UPP1: variants seen among roughly 807,000 people sequenced by gnomAD.
The protein encoded by UPP1 is UPase 1.
In UPP1, 25 loss-of-function variants were observed where a neutral mutation model predicts 29.6. The ratio of observed to expected loss-of-function variants is 0.85; its 90% CI spans 0.62 to 1.18. The LOEUF (loss-of-function observed/expected upper bound fraction) is 1.18. UPP1 is among the 50% of genes most tolerant of loss of function. The pLI, the probability that UPP1 is intolerant of heterozygous loss-of-function variation, is 0.00. For missense variants in UPP1, 368 were observed against 410.4 expected, an observed-to-expected ratio of 0.90 and a Z score of 0.89; for synonymous variants, 165 against 159.8, an observed-to-expected ratio of 1.03 and a Z score of -0.25.
At chr7:48,094,157 C>G (rs1247274829) in intron 2 of UPP1, among the ~76,000 whole-genome samples, 4 of 151,946 alleles carry the variant, frequency 2.6e-5, no homozygotes, top group Non-Finnish European at 4.4e-5. Flanking sequence ...GAGACTGTCT[C>G]TATTAAAAAA....
At position 48,101,241 on chromosome 7, in the gene UPP1, A is replaced by T. The variant is rs542014202; in HGVS notation, c.163-583A>T. Among the ~76,000 whole-genome samples the T allele has an allele frequency of 5.7e-3, 859 of 151,914 alleles. 4 individuals are homozygous for T. Among genetic ancestry groups the T allele is most frequent in the Middle Eastern group, 0.037 (11 of 294 alleles). Reference sequence around the variant, plus strand: ...CTTTAAAAACTTACTCACTTAAAAAAATTTTTTTTTTCAAAACCAACATTT... The same window carrying T: ...CTTTAAAAACTTACTCACTTAAAAATATTTTTTTTTTCAAAACCAACATTT... On this transcript the variant is annotated intron_variant, in intron 4 of 8. Transcript: ENST00000395564.
At chr7:48,103,798 TAGG>T in intron 6 of UPP1, 1 of 1,290,794 alleles carries the variant, frequency 7.7e-7, no homozygotes, top group Non-Finnish European at 1.0e-6. Context: ...TGAAGCACCT[TAGG>T]AGAAAAGACA....
At chr7:48,103,046 G>A (rs556003229) in intron 5 of UPP1, among the ~76,000 whole-genome samples, 3 of 152,304 alleles carry the variant, frequency 2.0e-5, no homozygotes, top group African/African-American at 7.2e-5. Flanking sequence ...TCCCTGCTGA[G>A]CCCCTGGGTC....
At chr7:48,092,123 C>A (rs545178756) in intron 2 of UPP1, among the ~76,000 whole-genome samples, 1 of 152,218 alleles carries the variant, frequency 6.6e-6, no homozygotes, top group African/African-American at 2.4e-5. Context: ...GGGGGCTGCT[C>A]CCTCCCATTA....
chr7:48,106,862 T>C lies in UPP1; in HGVS notation c.437-11T>C, dbSNP rs751048091. The C allele has an allele frequency of 6.2e-7, 1 of 1,613,444 alleles. No individual in the cohort carries two copies. The highest frequency in any genetic ancestry group is 8.5e-7 in the Non-Finnish European group (1 of 1,179,784). ...CACCCTGCATATCTTGATGTCTGCTTTTTTCCTCAGGTCTGGAGCCCGGCA... is the reference window on the plus strand; with the variant it reads ...CACCCTGCATATCTTGATGTCTGCTCTTTTCCTCAGGTCTGGAGCCCGGCA... On this transcript the variant is annotated splice_polypyrimidine_tract_variant and intron_variant, in intron 6 of 8. Coordinates refer to ENST00000395564, the MANE Select transcript of UPP1 (RefSeq NM_003364.4).
In UPP1 at chr7:48,090,231, G is replaced by A. The variant is rs753729927; in HGVS notation, c.-155G>A. On this transcript the variant is annotated 5_prime_UTR_variant, in exon 2 of 9. Coordinates refer to ENST00000395564, the MANE Select transcript of UPP1 (RefSeq NM_003364.4). ...ACTCCGCAGCTCGTCGACACGTCTC[G>A]TCTCCTGTCCCAATTCAGGGCTTGG... 5 of 152,230 alleles carry A rather than the reference G, an allele frequency of 3.3e-5. No individual in the cohort carries two copies. Among genetic ancestry groups the A allele is most frequent in the Non-Finnish European group, 5.9e-5 (4 of 68,046 alleles). The allele number at this position is 152,230 out of a possible 1,614,324, so 9.4% of individuals were successfully genotyped here. A position where few individuals can be genotyped will look rare whatever the true frequency, so the allele number is the denominator to read the frequency against.
At position 48,103,648 on chromosome 7, in the gene UPP1, G is replaced by T. The variant is rs1792556220; in HGVS notation, c.436+237G>T. ...GAAGGGCACCACACCATGCATATGG[G>T]GGAAACTCATCCTTTTGGGGTTACA... On this transcript the variant is annotated intron_variant, in intron 6 of 8. Transcript: ENST00000395564. 1.5e-5 allele frequency: 15 copies of T among 978,954 alleles called. No homozygotes were observed. The South Asian group carries it at 2.3e-4, about 15-fold the overall frequency. 60.6% of individuals were successfully genotyped at this position (978,954 alleles called of 1,614,324 possible). A position where few individuals can be genotyped will look rare whatever the true frequency, so the allele number is the denominator to read the frequency against.
chr7:48,107,304 T>A (rs1583884945), intron 7 of UPP1, 57 bp from the exon 8 acceptor site: 1 of 1,566,322 alleles, frequency 6.4e-7, no homozygotes, highest in Non-Finnish European at 8.7e-7. Flanking sequence ...GTGGCGCTGA[T>A]GTGTTGTAGG....
intron 2 of UPP1, among the ~76,000 whole-genome samples, chr7:48,093,193 C>A (rs914016249): frequency 1.3e-5 from 2 of 152,302 alleles, no homozygotes; most frequent in East Asian, 1.9e-4. Context: ...TTGGAGGGAA[C>A]ATTTTTCTCC....
chr7:48,090,949 C>T (rs960655995), intron 2 of UPP1, among the ~76,000 whole-genome samples: 1 of 152,116 alleles, frequency 6.6e-6, no homozygotes. Context: ...ATTAGTGTTT[C>T]TTTACATGGG....
intron 1 of UPP1, among the ~76,000 whole-genome samples, chr7:48,089,920 T>C (rs781548377): frequency 5.9e-5 from 9 of 152,168 alleles, no homozygotes; most frequent in Non-Finnish European, 1.3e-4. Context: ...CGAAGTGATG[T>C]TTTGTCCCCA....
At chr7:48,103,988 G>A (rs1283691681) in intron 6 of UPP1, 1 of 1,049,034 alleles carries the variant, frequency 9.5e-7, no homozygotes, top group Non-Finnish European at 1.2e-6. Flanking sequence ...GGGAGGCCGA[G>A]GCGGGCGGAT....
At position 48,108,380 on chromosome 7, in the gene UPP1, A is replaced by T. The variant is rs1457187442; in HGVS notation, c.*23A>T. On this transcript the variant is annotated 3_prime_UTR_variant, in exon 9 of 9. Transcript: ENST00000395564. ...TGAGCGCTGCCCTGCACCTCCGCAGACCTGCTGTGATGACTTGCCATTAAA... is the reference window on the plus strand; with the variant it reads ...TGAGCGCTGCCCTGCACCTCCGCAGTCCTGCTGTGATGACTTGCCATTAAA... 1.3e-6 allele frequency: 2 copies of T among 1,597,124 alleles called. No individual in the cohort carries two copies. The highest frequency in any genetic ancestry group is 2.2e-5 in the South Asian group (2 of 89,744).
At chr7:48,102,678 A>G (rs1792496732) in intron 5 of UPP1, among the ~76,000 whole-genome samples, 1 of 152,144 alleles carries the variant, frequency 6.6e-6, no homozygotes, top group South Asian at 2.1e-4. Context: ...CCTCCACTGT[A>G]TGGCTCTGCC....
chr7:48,105,915 G>A lies in UPP1; in HGVS notation c.437-958G>A, dbSNP rs186004470. 3.9e-5 allele frequency: 6 copies of A among 152,232 alleles called. No individual in the cohort carries two copies. The East Asian group carries it at 9.7e-4, about 24-fold the overall frequency. The allele number at this position is 152,232 out of a possible 1,614,324, so 9.4% of individuals were successfully genotyped here. On this transcript the variant is annotated intron_variant, in intron 6 of 8. Transcript: ENST00000395564. Reference sequence around the variant, plus strand: ...CATTCAGTCCAGGTCCATAACAATGGTCAAATCCCATCTAAAATTATTATA... The same window carrying A: ...CATTCAGTCCAGGTCCATAACAATGATCAAATCCCATCTAAAATTATTATA...
At chr7:48,104,542 G>A (rs1792620274) in intron 6 of UPP1, 1 of 152,224 alleles carries the variant, frequency 6.6e-6, no homozygotes, top group Non-Finnish European at 1.5e-5. Context: ...CTAGGGCCTG[G>A]ACTATCTAGG....
rs1486683094 is a variant in UPP1 at position 48,108,508 on chromosome 7, G to A, written c.*151G>A. On this transcript the variant is annotated 3_prime_UTR_variant, in exon 9 of 9. Coordinates refer to ENST00000395564, the MANE Select transcript of UPP1 (RefSeq NM_003364.4). ...AGAGACAGAGAATCTTGGATTAACC[G>A]CATGGGAGATGTTCTTCCTTTTGAA... The A allele has an allele frequency of 2.5e-5, 22 of 864,114 alleles. 1 individual carries two copies. The highest frequency in any genetic ancestry group is 5.5e-5 in the South Asian group (2 of 36,578). 53.5% of individuals were successfully genotyped at this position (864,114 alleles called of 1,614,324 possible). A position where few individuals can be genotyped will look rare whatever the true frequency, so the allele number is the denominator to read the frequency against.
intron 6 of UPP1, chr7:48,104,093 CTG>C: frequency 3.1e-6 from 1 of 319,480 alleles, no homozygotes; most frequent in South Asian, 3.4e-5. Flanking sequence ...TGGTGCACGT[CTG>C]TAGTCCCAGC....
At chr7:48,107,243 T>G in intron 7 of UPP1, 118 bp from the exon 8 acceptor site, 1 of 1,428,940 alleles carries the variant, frequency 7.0e-7, no homozygotes, top group Admixed American at 1.9e-5. Flanking sequence ...GTGGTCATTA[T>G]AGGCAGGACC....
Sources: allele counts gnomAD v4.1 joint callset (sites outside exome capture counted in the v4.1 genomes callset), GRCh38; gene constraint gnomAD v4.1.1; transcripts MANE v1.5; gene names NCBI Gene and HGNC (gene_info 2026-07-23, HGNC 2026-07-21).